Variants in GABPB1 observed in about 807,000 individuals in gnomAD.
GABPB1 encodes the protein GA-binding protein subunit beta-1.
In GABPB1, 15 loss-of-function variants were observed where a neutral mutation model predicts 45.9. The ratio of observed to expected loss-of-function variants is 0.33; its 90% CI spans 0.22 to 0.50. The LOEUF is 0.50. Among genes scored for constraint, GABPB1 ranks in the 20% least tolerant of loss-of-function variants. The pLI is 0.98. For synonymous variants in GABPB1, 143 were observed against 154.4 expected, an observed-to-expected ratio of 0.93 and a Z score of 0.55; for missense variants, 252 against 457.5, an observed-to-expected ratio of 0.55 and a Z score of 4.10.
intron 1 of GABPB1, among the ~76,000 whole-genome samples, chr15:50,332,221 C>A (rs8030036): frequency 0.63 from 95,080 of 151,836 alleles, 30,795 homozygotes; most frequent in African/African-American, 0.77. Context: ...GCCTTCTTTC[C>A]CCTCAATTCT....
intron 4 of GABPB1, 102 bp from the exon 5 acceptor site, chr15:50,301,470 A>G (rs1463904293): frequency 2.0e-6 from 2 of 1,019,968 alleles, no homozygotes; most frequent in East Asian, 4.8e-5. Flanking sequence ...TTCTCTAAGA[A>G]GAATCACATA....
chr15:50,279,929 C>T (rs80130594), intron 8 of GABPB1, among the ~76,000 whole-genome samples: 1 of 152,304 alleles, frequency 6.6e-6, no homozygotes, highest in African/African-American at 2.4e-5. Flanking sequence ...GCCTCCTTGA[C>T]TCCTGCCCAT....
At chr15:50,324,574 T>C (rs2047684754) in intron 1 of GABPB1, among the ~76,000 whole-genome samples, 1 of 139,820 alleles carries the variant, frequency 7.2e-6, no homozygotes, top group Admixed American at 7.5e-5. Flanking sequence ...AGACAGAGTC[T>C]CACTCTGTCG....
rs558900294 is a variant in GABPB1 at position 50,288,057 on chromosome 15, C to A, written c.883+1426G>T. On this transcript the variant is annotated intron_variant, in intron 7 of 8. Transcript: ENST00000380877. ...ACAATCCTACTCATTTTCTTTCTTTCTTTATTTTTATGGAGACAGGGTCTC... is the reference window on the plus strand; with the variant it reads ...ACAATCCTACTCATTTTCTTTCTTTATTTATTTTTATGGAGACAGGGTCTC... Among the ~76,000 whole-genome samples the A allele has an allele frequency of 4.6e-5, 7 of 152,210 alleles. No homozygotes were observed. The South Asian group carries it at 8.3e-4, about 18-fold the overall frequency.
At chr15:50,308,084 T>C (rs1473701440) in intron 2 of GABPB1, among the ~76,000 whole-genome samples, 2 of 152,142 alleles carry the variant, frequency 1.3e-5, no homozygotes, top group African/African-American at 4.8e-5. Flanking sequence ...TTATCTCAAG[T>C]CCTTATAGGT....
intron 8 of GABPB1, among the ~76,000 whole-genome samples, chr15:50,282,596 A>C (rs968717225): frequency 6.6e-6 from 1 of 150,686 alleles, no homozygotes; most frequent in African/African-American, 2.4e-5. Context: ...TGTGACTATA[A>C]ACATTTTTAA....
chr15:50,294,809 T>C (rs150934257), intron 6 of GABPB1, among the ~76,000 whole-genome samples: 2 of 152,262 alleles, frequency 1.3e-5, no homozygotes, highest in Non-Finnish European at 2.9e-5. Context: ...TTAACCCCTG[T>C]TTTGACACAT....
chr15:50,293,804 T>A (rs918398164), intron 6 of GABPB1, among the ~76,000 whole-genome samples: 1 of 152,186 alleles, frequency 6.6e-6, no homozygotes, highest in East Asian at 1.9e-4. Flanking sequence ...GCTTTCTTTT[T>A]AAGTTGTGCT....
chr15:50,341,430 G>A (rs1198630524), intron 1 of GABPB1, among the ~76,000 whole-genome samples: 1 of 152,128 alleles, frequency 6.6e-6, no homozygotes, highest in Non-Finnish European at 1.5e-5. Context: ...TACCCCGGGA[G>A]GCTGAGGCAG....
chr15:50,325,799 G>A (rs1014189878), intron 1 of GABPB1, among the ~76,000 whole-genome samples: 6 of 151,708 alleles, frequency 4.0e-5, no homozygotes, highest in Non-Finnish European at 8.8e-5. Flanking sequence ...CCAAAGTGCT[G>A]GGATTACAGG....
chr15:50,325,398 C>T (rs1448185652), intron 1 of GABPB1, among the ~76,000 whole-genome samples: 2 of 151,280 alleles, frequency 1.3e-5, no homozygotes, highest in East Asian at 3.9e-4. Flanking sequence ...CAAATCTCGT[C>T]ACTCCCTGTC....
chr15:50,350,848 T>C (rs947500345), intron 1 of GABPB1: 1 of 152,238 alleles, frequency 6.6e-6, no homozygotes, highest in African/African-American at 2.4e-5. Flanking sequence ...CCCTAGTTCC[T>C]TCTGGTCAAG....
At chr15:50,337,431 C>T (rs1180173594) in intron 1 of GABPB1, among the ~76,000 whole-genome samples, 1 of 151,970 alleles carries the variant, frequency 6.6e-6, no homozygotes, top group African/African-American at 2.4e-5. Flanking sequence ...ACTCTCTTCT[C>T]TTCAGACATA....
chr15:50,334,948 T>C (rs770106247), intron 1 of GABPB1, among the ~76,000 whole-genome samples: 2 of 152,206 alleles, frequency 1.3e-5, no homozygotes, highest in Non-Finnish European at 2.9e-5. Context: ...ATGCCTATGG[T>C]TCCTTGTCTC....
chr15:50,289,437 T>TAAAA (rs11352059), intron 7 of GABPB1, 46 bp downstream of exon 7: 12 of 1,072,622 alleles, frequency 1.1e-5, no homozygotes, highest in Admixed American at 2.7e-5. Context: ...AAATAAAAAT[T>TAAAA]AAAAAAAAAA....
chr15:50,297,467 G>C (rs189774318), intron 6 of GABPB1, among the ~76,000 whole-genome samples: 6 of 152,262 alleles, frequency 3.9e-5, no homozygotes, highest in African/African-American at 1.4e-4. Context: ...GCCCACCTCA[G>C]CCTCCCAAAG....
chr15:50,324,486 C>T (rs1036993074), intron 1 of GABPB1, among the ~76,000 whole-genome samples: 4 of 150,302 alleles, frequency 2.7e-5, no homozygotes, highest in Admixed American at 2.7e-4. Flanking sequence ...GCTCCCCTGG[C>T]TTTGAAGCCC....
intron 7 of GABPB1, among the ~76,000 whole-genome samples, chr15:50,286,665 A>G (rs958516992): frequency 6.6e-6 from 1 of 152,192 alleles, no homozygotes; most frequent in Non-Finnish European, 1.5e-5. Flanking sequence ...AATATCTTAC[A>G]TCACTACATA....
At position 50,278,632 on chromosome 15, in the gene GABPB1, T is replaced by C; in HGVS notation, c.1152A>G (p.Ter384=). 6.2e-7 allele frequency: 1 copy of C among 1,608,910 alleles called. No individual in the cohort carries two copies. The highest frequency in any genetic ancestry group is 8.5e-7 in the Non-Finnish European group (1 of 1,178,562). ...AAATCAAACTACATGTTCATTTCAA[T>C]TAAACAGCTTCTTTATTAGTCTGAA... is the stretch of plus-strand genomic sequence containing the variant. ...TRLQTNKEAV[*] Residue 384 remains the stop codon, a stop_retained_variant, in exon 9 of 9, where the codon TAA becomes TAG. Coordinates refer to ENST00000380877, the MANE Select transcript of GABPB1 (RefSeq NM_016654.5).
Sources: allele counts gnomAD v4.1 joint callset (sites outside exome capture counted in the v4.1 genomes callset), GRCh38; gene constraint gnomAD v4.1.1; transcripts MANE v1.5; gene names NCBI Gene and HGNC (gene_info 2026-07-23, HGNC 2026-07-21).